Variants in CADM1 observed in about 807,000 individuals in gnomAD.
CADM1 encodes cell adhesion molecule 1.
CADM1 carries 15 observed loss-of-function variants against 53.1 expected under a neutral mutation model. The observed-to-expected ratio is 0.28, with a 90% CI of 0.19 to 0.44. The LOEUF (loss-of-function observed/expected upper bound fraction) is 0.44, where lower values mean the gene tolerates loss of function less well. CADM1 is among the 20% of genes least tolerant of loss of function. CADM1 has a pLI of 1.00. For missense variants in CADM1, 434 were observed against 611.3 expected, an observed-to-expected ratio of 0.71 and a Z score of 3.06; for synonymous variants, 281 against 243.0, an observed-to-expected ratio of 1.16 and a Z score of -1.45.
chr11:115,237,674 T>C (rs1424834173), intron 3 of CADM1, among the ~76,000 whole-genome samples: 1 of 151,758 alleles, frequency 6.6e-6, no homozygotes, highest in African/African-American at 2.4e-5. Flanking sequence ...CTATAGTGTA[T>C]GTCCTTGAAA....
intron 1 of CADM1, among the ~76,000 whole-genome samples, chr11:115,398,755 A>C (rs1947065019): frequency 6.6e-6 from 1 of 152,202 alleles, no homozygotes; most frequent in Admixed American, 6.5e-5. Flanking sequence ...TCTAAGCCAC[A>C]TTTAACTAGG....
chr11:115,486,116 A>G (rs1949367814), intron 1 of CADM1, among the ~76,000 whole-genome samples: 1 of 152,114 alleles, frequency 6.6e-6, no homozygotes, highest in African/African-American at 2.4e-5. Context: ...TCTACCTCCT[A>G]TTCTTCCTTC....
chr11:115,275,791 T>C (rs1943428436), intron 1 of CADM1, among the ~76,000 whole-genome samples: 1 of 152,206 alleles, frequency 6.6e-6, no homozygotes, highest in South Asian at 2.1e-4. Context: ...TAGAGGATAA[T>C]GGTGCGCTTG....
chr11:115,239,770 T>A (rs897177693), intron 2 of CADM1, among the ~76,000 whole-genome samples: 1 of 151,976 alleles, frequency 6.6e-6, no homozygotes, highest in Non-Finnish European at 1.5e-5. Flanking sequence ...GACACTGATA[T>A]GAACCATTTC....
intron 10 of CADM1, among the ~76,000 whole-genome samples, chr11:115,186,209 G>A (rs969485085): frequency 6.6e-6 from 1 of 152,124 alleles, no homozygotes; most frequent in African/African-American, 2.4e-5. Flanking sequence ...ACCTTTTCCA[G>A]CCATCACTTT....
At chr11:115,318,266 T>C (rs769973116) in intron 1 of CADM1, among the ~76,000 whole-genome samples, 23 of 152,196 alleles carry the variant, frequency 1.5e-4, no homozygotes, top group Non-Finnish European at 2.6e-4. Flanking sequence ...TACATTTAGA[T>C]ACTCAGCTAT....
intron 1 of CADM1, among the ~76,000 whole-genome samples, chr11:115,489,847 TGA>T (rs761441404): frequency 3.3e-5 from 5 of 152,034 alleles, no homozygotes; most frequent in Non-Finnish European, 7.4e-5. Context: ...AGGTGAATCT[TGA>T]GAGAGATGTA....
chr11:115,428,923 T>C (rs1165169560), intron 1 of CADM1, among the ~76,000 whole-genome samples: 1 of 152,120 alleles, frequency 6.6e-6, no homozygotes, highest in South Asian at 2.1e-4. Context: ...TTGGACAAGA[T>C]AGTTTCAGTA....
chr11:115,494,931 G>C (rs1216872359), intron 1 of CADM1, among the ~76,000 whole-genome samples: 3 of 152,124 alleles, frequency 2.0e-5, no homozygotes, highest in African/African-American at 7.2e-5. Flanking sequence ...CCCAGAGATG[G>C]AGAGATTTGC....
intron 1 of CADM1, among the ~76,000 whole-genome samples, chr11:115,367,880 T>A (rs1477600797): frequency 6.6e-6 from 1 of 152,084 alleles, no homozygotes; most frequent in Admixed American, 6.6e-5. Flanking sequence ...TGAGATGATT[T>A]CCTCAAAAAA....
intron 1 of CADM1, among the ~76,000 whole-genome samples, chr11:115,352,639 T>A (rs1309531116): frequency 6.6e-6 from 1 of 152,102 alleles, no homozygotes; most frequent in Non-Finnish European, 1.5e-5. Flanking sequence ...AGAGAAGACT[T>A]AGGAAGAAGA....
intron 1 of CADM1, among the ~76,000 whole-genome samples, chr11:115,365,403 T>C (rs1946131412): frequency 6.6e-6 from 1 of 152,166 alleles, no homozygotes; most frequent in Admixed American, 6.5e-5. Flanking sequence ...TGCATTTAGA[T>C]TGGTTCCCAA....
chr11:115,308,211 T>TATATATATATATATATATATATACAC (rs139012671), intron 1 of CADM1, among the ~76,000 whole-genome samples: 9 of 139,384 alleles, frequency 6.5e-5, no homozygotes, highest in East Asian at 6.4e-4. Flanking sequence ...TATATATATA[T>TATATATATATATATATATATATACAC]ACACACCTAT....
chr11:115,322,146 C>G (rs1944840114), intron 1 of CADM1, among the ~76,000 whole-genome samples: 1 of 152,138 alleles, frequency 6.6e-6, no homozygotes, highest in Admixed American at 6.5e-5. Context: ...CAATTCGTGG[C>G]CATTGTTCTT....
chr11:115,327,833 G>A (rs374561346), intron 1 of CADM1, among the ~76,000 whole-genome samples: 1 of 152,176 alleles, frequency 6.6e-6, no homozygotes, highest in African/African-American at 2.4e-5. Flanking sequence ...CAGATACATT[G>A]TAAGTACTCA....
At chr11:115,449,659 T>G (rs182457804) in intron 1 of CADM1, among the ~76,000 whole-genome samples, 1 of 152,346 alleles carries the variant, frequency 6.6e-6, no homozygotes, top group Non-Finnish European at 1.5e-5. Context: ...AAGTTGCATC[T>G]ACTGCTTTAG....
chr11:115,249,651 T>C (rs922072813), intron 1 of CADM1, among the ~76,000 whole-genome samples: 8 of 152,228 alleles, frequency 5.3e-5, no homozygotes, highest in African/African-American at 1.9e-4. Context: ...TAAGGGAACT[T>C]AGATTTCTCT....
chr11:115,195,526 G>A (rs1940103767), intron 9 of CADM1, among the ~76,000 whole-genome samples: 1 of 152,150 alleles, frequency 6.6e-6, no homozygotes, highest in African/African-American at 2.4e-5. Flanking sequence ...TGTCATTTAA[G>A]TTGCTAAGTT....
chr11:115,357,285 C>T (rs1945900866), intron 1 of CADM1, among the ~76,000 whole-genome samples: 1 of 152,180 alleles, frequency 6.6e-6, no homozygotes. Flanking sequence ...GAAAACAACG[C>T]TGCTCTATTA....
Sources: gnomAD v4.1 joint callset for allele counts (sites outside exome capture counted in the v4.1 genomes callset) on GRCh38, gnomAD v4.1.1 for gene constraint, MANE v1.5 for transcripts, NCBI Gene and HGNC (gene_info 2026-07-23, HGNC 2026-07-21) for gene names.